Variants in PLXDC2 observed in about 807,000 individuals in gnomAD.
PLXDC2 encodes plexin domain containing 2, also known as plexin domain-containing protein 2.
A neutral mutation model predicts 68.9 loss-of-function variants in PLXDC2; 40 were observed. That is an observed-to-expected ratio of 0.58 (90% CI 0.45 to 0.76). PLXDC2 has a LOEUF of 0.76. Ranked by LOEUF, PLXDC2 falls within the 30% of genes least tolerant of loss-of-function variation. The pLI, the probability that PLXDC2 is intolerant of heterozygous loss-of-function variation, is 0.00. For synonymous variants in PLXDC2, 243 were observed against 234.2 expected, an observed-to-expected ratio of 1.04 and a Z score of -0.34; for missense variants, 644 against 661.9, an observed-to-expected ratio of 0.97 and a Z score of 0.30.
At chr10:20,006,598 A>G (rs1835032337) in intron 2 of PLXDC2, among the ~76,000 whole-genome samples, 1 of 152,194 alleles carries the variant, frequency 6.6e-6, no homozygotes, top group Admixed American at 6.5e-5. Flanking sequence ...ACAACAACAA[A>G]AATCCCAAAC....
Position 20,177,380 on chromosome 10 carries a change from C to A in PLXDC2, c.1032C>A (p.Phe344Leu). 1 of 1,592,870 alleles carries A rather than the reference C, an allele frequency of 6.3e-7. No individual in the cohort carries two copies. The change falls in exon 9 of 14, where the codon TTC becomes TTA. Residue 344 changes from phenylalanine to leucine, a missense_variant. Coordinates refer to ENST00000377252, the MANE Select transcript of PLXDC2 (RefSeq NM_032812.9). Reference protein sequence around the residue: ...CGPCVSSQIGFNCSWCSKLQR... With the variant: ...CGPCVSSQIGLNCSWCSKLQR... ...CCTGTGTATCTTCTCAGATTGGCTT[C>A]AACTGCAGTTGGTGTAGTAAACTTC...
chr10:20,187,473 T>A (rs1834701624), intron 9 of PLXDC2, among the ~76,000 whole-genome samples: 1 of 151,852 alleles, frequency 6.6e-6, no homozygotes, highest in Non-Finnish European at 1.5e-5. Flanking sequence ...ACATTTAGTA[T>A]GTCTTGGTGT....
At chr10:20,144,538 A>G (rs960236872) in intron 5 of PLXDC2, among the ~76,000 whole-genome samples, 3 of 152,204 alleles carry the variant, frequency 2.0e-5, no homozygotes, top group Non-Finnish European at 2.9e-5. Flanking sequence ...GTTAGCTGCA[A>G]TAATGATTCA....
At position 19,816,684 on chromosome 10, in the gene PLXDC2, G is replaced by C. The variant is rs12260239; in HGVS notation, c.-396G>C. 1 of 282,474 alleles carries C rather than the reference G, an allele frequency of 3.5e-6. No homozygotes were observed. Among genetic ancestry groups the C allele is most frequent in the Non-Finnish European group, 6.8e-6 (1 of 147,648 alleles). The allele number at this position is 282,474 out of a possible 1,614,324, so 17.5% of individuals were successfully genotyped here. ...GGCAGCGGCGCTGGCTGTGGAATTA[G>C]ATCTGTTTTGAACCCAGTGGAGCGC... is the stretch of plus-strand genomic sequence containing the variant. On this transcript the variant is annotated 5_prime_UTR_variant, in exon 1 of 14. Transcript: ENST00000377252.
intron 13 of PLXDC2, among the ~76,000 whole-genome samples, chr10:20,261,303 T>C (rs2119365983): frequency 6.6e-6 from 1 of 152,332 alleles, no homozygotes; most frequent in Admixed American, 6.5e-5. Context: ...TATTTACTTC[T>C]AGGAATTTGA....
intron 1 of PLXDC2, among the ~76,000 whole-genome samples, chr10:19,962,535 C>T (rs117431279): frequency 0.2 from 29,293 of 148,084 alleles, 3,124 homozygotes; most frequent in East Asian, 0.33. Context: ...GGACTACAGG[C>T]GCATGCCTCC....
chr10:20,143,917 A>G (rs1424380725), intron 5 of PLXDC2, among the ~76,000 whole-genome samples: 1 of 152,138 alleles, frequency 6.6e-6, no homozygotes, highest in Non-Finnish European at 1.5e-5. Context: ...TTGACTTTAG[A>G]AAATGAGTGA....
intron 1 of PLXDC2, among the ~76,000 whole-genome samples, chr10:19,884,468 G>A (rs1837801630): frequency 6.6e-6 from 1 of 151,800 alleles, no homozygotes; most frequent in East Asian, 2.0e-4. Context: ...TCGTCACCTA[G>A]CATTAGGTAT....
chr10:20,238,485 A>G (rs2131885767), intron 12 of PLXDC2, among the ~76,000 whole-genome samples: 2 of 150,192 alleles, frequency 1.3e-5, no homozygotes. Flanking sequence ...CGTCTCTACT[A>G]AAAACACAAA....
chr10:19,846,674 G>A (rs1447231531), intron 1 of PLXDC2, among the ~76,000 whole-genome samples: 1 of 152,158 alleles, frequency 6.6e-6, no homozygotes, highest in African/African-American at 2.4e-5. Context: ...GGGAGCCAAT[G>A]TCAAGATATG....
intron 1 of PLXDC2, among the ~76,000 whole-genome samples, chr10:19,818,072 G>A (rs1174638533): frequency 3.9e-5 from 6 of 152,138 alleles, no homozygotes; most frequent in Admixed American, 3.3e-4. Context: ...GAAGACACAG[G>A]CAGAAAGAGA....
intron 4 of PLXDC2, among the ~76,000 whole-genome samples, chr10:20,119,822 A>G (rs1833672676): frequency 6.6e-6 from 1 of 151,978 alleles, no homozygotes; most frequent in African/African-American, 2.4e-5. Context: ...TAGAAGAAAC[A>G]TTTGTCATTT....
intron 1 of PLXDC2, among the ~76,000 whole-genome samples, chr10:19,837,960 A>C (rs151188372): frequency 6.6e-6 from 1 of 152,272 alleles, no homozygotes; most frequent in African/African-American, 2.4e-5. Flanking sequence ...GTGAAACAAG[A>C]AGGAAAAAAT....
intron 9 of PLXDC2, among the ~76,000 whole-genome samples, chr10:20,188,139 G>C (rs1482191984): frequency 6.6e-6 from 1 of 151,434 alleles, no homozygotes; most frequent in African/African-American, 2.4e-5. Flanking sequence ...TACTAAATAT[G>C]TGTTATTAAA....
chr10:20,035,883 GA>G (rs1835569278), intron 2 of PLXDC2, among the ~76,000 whole-genome samples: 1 of 152,074 alleles, frequency 6.6e-6, no homozygotes, highest in African/African-American at 2.4e-5. Context: ...ATAATTTTTA[GA>G]AGTTGATTCT....
In PLXDC2 at chr10:19,959,094, T is replaced by C. The variant is rs565657570; in HGVS notation, c.113-42681T>C. On this transcript the variant is annotated intron_variant, in intron 1 of 13. Transcript: ENST00000377252. ...GGGAGAAATCAAGCTAAATTTGGAC[T>C]GTCATTTCCTTAAATGTTCATTTTA... Among the ~76,000 whole-genome samples the C allele has an allele frequency of 3.9e-5, 6 of 152,350 alleles. No individual in the cohort carries two copies. In the South Asian group the frequency reaches 1.0e-3, roughly 26 times the overall value.
intron 4 of PLXDC2, among the ~76,000 whole-genome samples, chr10:20,074,550 T>TA (rs1309201042): frequency 2.0e-5 from 3 of 152,168 alleles, no homozygotes; most frequent in Non-Finnish European, 4.4e-5. Context: ...AGAGATTTTT[T>TA]AAAAATATTA....
At chr10:20,030,557 C>T (rs1049477573) in intron 2 of PLXDC2, among the ~76,000 whole-genome samples, 4 of 152,174 alleles carry the variant, frequency 2.6e-5, no homozygotes, top group Non-Finnish European at 5.9e-5. Flanking sequence ...AACAAAGGTA[C>T]ATTCCAGAGA....
chr10:20,036,865 A>G (rs1835586870), intron 2 of PLXDC2, among the ~76,000 whole-genome samples: 1 of 152,208 alleles, frequency 6.6e-6, no homozygotes, highest in African/African-American at 2.4e-5. Flanking sequence ...TTTGGGGCCA[A>G]TCTACAATTT....
Sources: gnomAD v4.1 joint callset for allele counts (sites outside exome capture counted in the v4.1 genomes callset) on GRCh38, gnomAD v4.1.1 for gene constraint, MANE v1.5 for transcripts, NCBI Gene and HGNC (gene_info 2026-07-23, HGNC 2026-07-21) for gene names.